SLC4A4: variants seen among roughly 807,000 people sequenced by gnomAD.
SLC4A4 encodes electrogenic sodium bicarbonate cotransporter 1.
In SLC4A4, 27 loss-of-function variants were observed where a neutral mutation model predicts 111.5. The ratio of observed to expected loss-of-function variants is 0.24; its 90% confidence interval spans 0.18 to 0.33. The LOEUF (loss-of-function observed/expected upper bound fraction) is 0.33. Ranked by LOEUF, SLC4A4 falls within the 10% of genes least tolerant of loss-of-function variation. The pLI, the probability that SLC4A4 is intolerant of heterozygous loss-of-function variation, is 1.00. For synonymous variants in SLC4A4, 443 were observed against 463.4 expected (o/e 0.96, Z 0.57); for missense variants, 909 against 1,315.5 (o/e 0.69, Z 4.78).
intron 6 of SLC4A4, among the ~76,000 whole-genome samples, chr4:71,389,238 C>T (rs985702676): frequency 3.9e-5 from 6 of 152,180 alleles, no homozygotes; most frequent in Non-Finnish European, 5.9e-5. Flanking sequence ...CATATAAGGA[C>T]ATCCTCTCTA....
At position 71,365,014 on chromosome 4, in the gene SLC4A4, G is replaced by A. The variant is rs376551994; in HGVS notation, c.730+7827G>A. Among the ~76,000 whole-genome samples, 7 of 152,144 alleles carry A rather than the reference G, an allele frequency of 4.6e-5. No individual in the cohort carries two copies. The South Asian group carries it at 1.5e-3, about 32-fold the overall frequency. On this transcript the variant is annotated intron_variant, in intron 6 of 25. Transcript: ENST00000264485. ...TGAGTTGTCACTCATGGGCTTTCTA[G>A]TATTTTTAAATTTAGAGTATAAAGA...
chr4:71,162,130 G>A (rs1483390561), intron 2 of SLC4A4, among the ~76,000 whole-genome samples: 1 of 152,284 alleles, frequency 6.6e-6, no homozygotes, highest in African/African-American at 2.4e-5. Context: ...ATAGACTGAG[G>A]CATTCAATAT....
intron 1 of SLC4A4, among the ~76,000 whole-genome samples, chr4:71,067,263 T>G (rs759759804): frequency 3.3e-5 from 5 of 152,174 alleles, no homozygotes; most frequent in Non-Finnish European, 7.4e-5. Flanking sequence ...GGAAAGAGTT[T>G]TTTTTTTTAA....
intron 1 of SLC4A4, among the ~76,000 whole-genome samples, chr4:71,204,117 T>C (rs980984496): frequency 3.3e-5 from 5 of 152,178 alleles, no homozygotes; most frequent in Non-Finnish European, 5.9e-5. Context: ...GATCTAATGG[T>C]CTAAATGAAA....
At chr4:71,211,687 A>C (rs1376357630) in intron 1 of SLC4A4, among the ~76,000 whole-genome samples, 1 of 152,170 alleles carries the variant, frequency 6.6e-6, no homozygotes, top group Non-Finnish European at 1.5e-5. Flanking sequence ...ATTGCTAAGA[A>C]GATGGAACAT....
rs372353654 is a variant in SLC4A4, at chr4:71,426,208, T to C, written c.808-14408T>C. ...GCTGGTCACTTGTGTATGAATTCCA[T>C]GGGGAAGAGGGTATAATGAGGCATG... On this transcript the variant is annotated intron_variant, in intron 7 of 25. Coordinates refer to ENST00000264485, the MANE Select transcript of SLC4A4 (RefSeq NM_001098484.3). 3.9e-5 allele frequency among the ~76,000 whole-genome samples: 6 copies of C among 152,186 alleles called. 1 individual carries two copies. In the East Asian group the frequency reaches 5.8e-4, roughly 15 times the overall value.
intron 12 of SLC4A4, 141 bp downstream of exon 12, chr4:71,453,810 T>G (rs1200313766): frequency 2.6e-6 from 2 of 771,948 alleles, no homozygotes; most frequent in East Asian, 5.3e-5. Flanking sequence ...TTTACTTTGC[T>G]TCTGGCCTGC....
intron 2 of SLC4A4, among the ~76,000 whole-genome samples, chr4:71,135,959 C>A (rs904436873): frequency 7.9e-5 from 12 of 152,212 alleles, no homozygotes; most frequent in African/African-American, 2.7e-4. Context: ...AAGCCCTCAG[C>A]ACTTTTGATG....
chr4:71,200,639 A>G (rs1052283973), intron 1 of SLC4A4, among the ~76,000 whole-genome samples: 4 of 152,190 alleles, frequency 2.6e-5, no homozygotes, highest in African/African-American at 7.2e-5. Context: ...AAGTGGCATT[A>G]TTGACTGGCC....
In SLC4A4 at chr4:71,187,308, CGAAGGCGGCGGCGGCGGCGGCAGT is replaced by C. The variant is rs1214798744; in HGVS notation, c.-93_-70del. On this transcript the variant is annotated 5_prime_UTR_variant, in exon 1 of 26. Coordinates refer to ENST00000264485, the MANE Select transcript of SLC4A4 (RefSeq NM_001098484.3). ...GTGGCGGCGGCGGCCGCGGTGGCAG[CGAAGGCGGCGGCGGCGGCGGCAGT>C]GGCAGTGGCCGCTGCAGCCCCACAC... The C allele has an allele frequency of 6.5e-5, 10 of 154,736 alleles. No homozygotes were observed. Among genetic ancestry groups the C allele is most frequent in the Admixed American group, 6.0e-4 (9 of 15,114 alleles). 9.6% of individuals were successfully genotyped at this position (154,736 alleles called of 1,614,324 possible). A position where few individuals can be genotyped will look rare whatever the true frequency, so the allele number is the denominator to read the frequency against.
intron 1 of SLC4A4, among the ~76,000 whole-genome samples, chr4:71,081,821 A>T (rs1202423256): frequency 6.6e-6 from 1 of 152,064 alleles, no homozygotes; most frequent in African/African-American, 2.4e-5. Context: ...TGAAAATAAA[A>T]ATAGAATGTT....
intron 6 of SLC4A4, among the ~76,000 whole-genome samples, chr4:71,385,924 CT>C (rs1560461767): frequency 1.3e-5 from 2 of 152,004 alleles, no homozygotes; most frequent in Non-Finnish European, 2.9e-5. Flanking sequence ...CCATATATCT[CT>C]TTTTTTCTTA....
In SLC4A4 at chr4:71,516,066, G is replaced by A. The variant is rs191359255; in HGVS notation, c.2167-15996G>A. Among the ~76,000 whole-genome samples, 617 of 135,984 alleles carry A rather than the reference G, an allele frequency of 4.5e-3. 6 individuals carry two copies. Among genetic ancestry groups the A allele is most frequent in the African/African-American group, 0.016 (596 of 36,782 alleles). The allele number at this position is 135,984 out of a possible 152,430, so 89.2% of individuals were successfully genotyped here. The stretch of plus-strand genomic sequence containing the variant: ...CCTTTCTTTTTCTCTTATTATTTGT[G>A]GTTTGGGGGATTTCTTTTTTTTTTT... On this transcript the variant is annotated intron_variant, in intron 16 of 25. Coordinates refer to ENST00000264485, the MANE Select transcript of SLC4A4 (RefSeq NM_001098484.3).
intron 7 of SLC4A4, among the ~76,000 whole-genome samples, chr4:71,410,091 A>G (rs982782837): frequency 6.6e-5 from 10 of 152,180 alleles, no homozygotes; most frequent in Admixed American, 5.9e-4. Flanking sequence ...AGTTTGCTGC[A>G]GGGGTGGGGC....
intron 18 of SLC4A4, among the ~76,000 whole-genome samples, chr4:71,545,025 C>G (rs990264267): frequency 3.3e-5 from 5 of 152,046 alleles, no homozygotes; most frequent in African/African-American, 1.2e-4. Flanking sequence ...CAGCTCATCC[C>G]ACCTCTGCCC....
At chr4:71,438,791 C>G (rs775760237) in intron 7 of SLC4A4, among the ~76,000 whole-genome samples, 1 of 152,060 alleles carries the variant, frequency 6.6e-6, no homozygotes, top group Non-Finnish European at 1.5e-5. Context: ...AAGGCTTAAC[C>G]CATGAATTAA....
At chr4:71,280,865 T>C (rs1287676828) in intron 3 of SLC4A4, among the ~76,000 whole-genome samples, 1 of 152,234 alleles carries the variant, frequency 6.6e-6, no homozygotes, top group Non-Finnish European at 1.5e-5. Context: ...CAAGGTTTAT[T>C]TTTAACATTT....
intron 8 of SLC4A4, among the ~76,000 whole-genome samples, chr4:71,446,709 A>C (rs570929651): frequency 3.1e-4 from 47 of 152,362 alleles, no homozygotes; most frequent in African/African-American, 1.1e-3. Flanking sequence ...CTGGGCAGGC[A>C]TATGATGTTA....
chr4:71,315,352 T>C (rs536891393), intron 3 of SLC4A4, among the ~76,000 whole-genome samples: 2 of 152,274 alleles, frequency 1.3e-5, no homozygotes, highest in South Asian at 4.1e-4. Context: ...TGGCTTGAGT[T>C]GGATTCTCTA....
Sources: gnomAD v4.1 joint callset for allele counts (sites outside exome capture counted in the v4.1 genomes callset) on GRCh38, gnomAD v4.1.1 for gene constraint, MANE v1.5 for transcripts, NCBI Gene and HGNC (gene_info 2026-07-23, HGNC 2026-07-21) for gene names.